Variants in RIN3 observed in about 807,000 individuals in gnomAD.
RIN3 encodes RAB5 interacting protein 3.
RIN3 carries 54 observed loss-of-function variants against 76.3 expected under a neutral mutation model. That is an observed-to-expected ratio of 0.71 (90% CI 0.57 to 0.89). The LOEUF (loss-of-function observed/expected upper bound fraction) is 0.89, where lower values mean the gene tolerates loss of function less well. Among genes scored for constraint, RIN3 ranks in the 40% least tolerant of loss-of-function variants. The pLI, the probability that RIN3 is intolerant of heterozygous loss-of-function variation, is 0.00. For missense variants in RIN3, 1,256 were observed against 1,322.1 expected (o/e 0.95, Z 0.78); for synonymous variants, 576 against 564.0 (o/e 1.02, Z -0.30).
chr14:92,610,690 A>G (rs1885699669), intron 3 of RIN3, among the ~76,000 whole-genome samples: 2 of 152,166 alleles, frequency 1.3e-5, no homozygotes, highest in African/African-American at 4.8e-5. Context: ...CTGGAGCTGC[A>G]GGGATTCTCT....
intron 7 of RIN3, among the ~76,000 whole-genome samples, chr14:92,667,420 G>A (rs1436427866): frequency 2.6e-5 from 4 of 152,052 alleles, no homozygotes; most frequent in South Asian, 2.1e-4. Flanking sequence ...AGGAGGCTGA[G>A]GCAGGAGAAT....
At chr14:92,610,929 G>T (rs575072335) in intron 3 of RIN3, among the ~76,000 whole-genome samples, 1 of 152,142 alleles carries the variant, frequency 6.6e-6, no homozygotes, top group East Asian at 1.9e-4. Context: ...CTGAACACAC[G>T]GGCACTGTTC....
intron 5 of RIN3, among the ~76,000 whole-genome samples, chr14:92,642,119 T>C (rs734206): frequency 0.26 from 39,596 of 151,788 alleles, 5,651 homozygotes; most frequent in South Asian, 0.37. Flanking sequence ...TTCTTTTTTT[T>C]TTGAAACAGG....
chr14:92,528,481 G>A (rs917356939), intron 1 of RIN3, among the ~76,000 whole-genome samples: 1 of 152,194 alleles, frequency 6.6e-6, no homozygotes, highest in Non-Finnish European at 1.5e-5. Context: ...ACAGAGTCAA[G>A]AACGTAGTAG....
intron 1 of RIN3, among the ~76,000 whole-genome samples, chr14:92,550,018 G>T (rs1470805494): frequency 1.3e-5 from 2 of 152,222 alleles, no homozygotes; most frequent in Non-Finnish European, 2.9e-5. Context: ...TCTGCCAACA[G>T]ATGGCTGATC....
At chr14:92,571,083 T>G (rs909364709) in intron 2 of RIN3, among the ~76,000 whole-genome samples, 2 of 152,228 alleles carry the variant, frequency 1.3e-5, no homozygotes, top group South Asian at 4.1e-4. Context: ...GGTGGCCAAC[T>G]GGTCCAACGG....
At chr14:92,617,631 A>C (rs1050035960) in intron 4 of RIN3, among the ~76,000 whole-genome samples, 1 of 152,224 alleles carries the variant, frequency 6.6e-6, no homozygotes. Flanking sequence ...AATAGTAAGA[A>C]ATTGGAGTAT....
intron 4 of RIN3, among the ~76,000 whole-genome samples, chr14:92,617,127 C>T (rs185148508): frequency 9.9e-5 from 15 of 152,098 alleles, no homozygotes; most frequent in Non-Finnish European, 1.5e-4. Flanking sequence ...GGTGAAACCC[C>T]GTCTCTACTA....
intron 1 of RIN3, among the ~76,000 whole-genome samples, chr14:92,546,743 C>A (rs1167833361): frequency 6.6e-6 from 1 of 152,032 alleles, no homozygotes; most frequent in Non-Finnish European, 1.5e-5. Context: ...TCAGACCATT[C>A]CTCCTGCTGT....
At chr14:92,575,323 T>G (rs140503686) in intron 2 of RIN3, among the ~76,000 whole-genome samples, 1,685 of 152,086 alleles carry the variant, frequency 0.011, 30 homozygotes, top group African/African-American at 0.038. Context: ...CAGAAAGGGC[T>G]CCCGATCCAG....
At chr14:92,572,010 TGAAA>T (rs1197643819) in intron 2 of RIN3, among the ~76,000 whole-genome samples, 1 of 152,016 alleles carries the variant, frequency 6.6e-6, no homozygotes, top group South Asian at 2.1e-4. Context: ...AGAGCAGGAG[TGAAA>T]GTTTATTAAT....
rs145532483 is a variant in RIN3 at position 92,561,431 on chromosome 14, T to A, written c.249+5476T>A. On this transcript the variant is annotated intron_variant, in intron 2 of 9. Transcript: ENST00000216487. ...GGAACATATTGGCCCATTTGTTCATTTGTGTGTATCCAGAAGCAAGGCAAC... is the reference window on the plus strand; with the variant it reads ...GGAACATATTGGCCCATTTGTTCATATGTGTGTATCCAGAAGCAAGGCAAC... Among the ~76,000 whole-genome samples, 3 of 152,072 alleles carry A rather than the reference T, an allele frequency of 2.0e-5. No individual in the cohort carries two copies. The East Asian group carries it at 5.8e-4, about 29-fold the overall frequency.
At chr14:92,683,145 C>A (rs1266903331) in intron 8 of RIN3, among the ~76,000 whole-genome samples, 1 of 151,092 alleles carries the variant, frequency 6.6e-6, no homozygotes, top group African/African-American at 2.4e-5. Flanking sequence ...GCAGCCTGGG[C>A]AACAAGAGCG....
chr14:92,563,558 C>G (rs1188915083), intron 2 of RIN3, among the ~76,000 whole-genome samples: 1 of 152,150 alleles, frequency 6.6e-6, no homozygotes, highest in Non-Finnish European at 1.5e-5. Flanking sequence ...CGGTAAGAAA[C>G]CAGCCTGAGT....
intron 1 of RIN3, among the ~76,000 whole-genome samples, chr14:92,518,720 C>T (rs1896511822): frequency 6.6e-6 from 1 of 151,704 alleles, no homozygotes; most frequent in Admixed American, 6.6e-5. Context: ...CTTGGGGGAG[C>T]CCTGGGGCAT....
At chr14:92,586,910 G>GA (rs1275772879) in intron 3 of RIN3, among the ~76,000 whole-genome samples, 1 of 152,170 alleles carries the variant, frequency 6.6e-6, no homozygotes, top group African/African-American at 2.4e-5. Context: ...AAATATTTGT[G>GA]AAAAAGAGAA....
chr14:92,590,070 G>A (rs554804490), intron 3 of RIN3, among the ~76,000 whole-genome samples: 2 of 152,336 alleles, frequency 1.3e-5, no homozygotes, highest in East Asian at 3.9e-4. Context: ...ACTAGTGGAT[G>A]TTCACTGTGG....
At chr14:92,678,393 C>T (rs974265693) in intron 8 of RIN3, among the ~76,000 whole-genome samples, 18 of 151,622 alleles carry the variant, frequency 1.2e-4, no homozygotes, top group African/African-American at 4.4e-4. Context: ...CACTCACCCA[C>T]CAATCCACAT....
chr14:92,563,418 A>C (rs1413547598), intron 2 of RIN3, among the ~76,000 whole-genome samples: 1 of 152,166 alleles, frequency 6.6e-6, no homozygotes, highest in Non-Finnish European at 1.5e-5. Context: ...TTGTGAGACC[A>C]GGGAAAAAGG....
Sources: gnomAD v4.1 joint callset for allele counts (sites outside exome capture counted in the v4.1 genomes callset) on GRCh38, gnomAD v4.1.1 for gene constraint, MANE v1.5 for transcripts, NCBI Gene and HGNC (gene_info 2026-07-23, HGNC 2026-07-21) for gene names.